The following DNAAF4 variants were observed in gnomAD, a reference collection of about 807,000 sequenced individuals.
DNAAF4 encodes the protein dynein axonemal assembly factor 4.
In DNAAF4, 43 loss-of-function variants were observed where a neutral mutation model predicts 51.8. The ratio of observed to expected loss-of-function variants is 0.83; its 90% confidence interval spans 0.65 to 1.07. The LOEUF (loss-of-function observed/expected upper bound fraction) is 1.07, where lower values mean the gene tolerates loss of function less well. Ranked by LOEUF, DNAAF4 falls within the 50% of genes least tolerant of loss-of-function variation. The pLI is 0.00. For synonymous variants in DNAAF4, 194 were observed against 165.6 expected (o/e 1.17, Z -1.32); for missense variants, 581 against 493.0 (o/e 1.18, Z -1.69).
intron 3 of DNAAF4, 81 bp from the exon 4 acceptor site, chr15:55,491,337 C>G: frequency 2.1e-6 from 3 of 1,396,748 alleles, no homozygotes; most frequent in Non-Finnish European, 2.9e-6. Context: ...ATAAACTGAC[C>G]CAGGATGAGA....
chr15:55,466,664 A>T (rs1183102049), intron 5 of DNAAF4, among the ~76,000 whole-genome samples: 1 of 151,246 alleles, frequency 6.6e-6, no homozygotes, highest in Non-Finnish European at 1.5e-5. Flanking sequence ...ATTTAACAAC[A>T]TCTTTGTAAA....
chr15:55,420,708 T>C (rs948151721), intron 7 of DNAAF4, among the ~76,000 whole-genome samples: 1 of 152,232 alleles, frequency 6.6e-6, no homozygotes, highest in Non-Finnish European at 1.5e-5. Context: ...AAGTGAATTA[T>C]GCAATAACAT....
chr15:55,428,509 T>G (rs1156502571), downstream of DNAAF4, among the ~76,000 whole-genome samples: 3 of 135,222 alleles, frequency 2.2e-5, no homozygotes, highest in East Asian at 1.0e-3. Context: ...TTTTTTTTTT[T>G]TTTGAGATGG....
chr15:55,463,764 T>G (rs1430737221), intron 5 of DNAAF4, among the ~76,000 whole-genome samples: 1 of 151,878 alleles, frequency 6.6e-6, no homozygotes, highest in African/African-American at 2.4e-5. Flanking sequence ...AGGTGAAAGA[T>G]CTCACAAGGA....
Position 55,430,708 on chromosome 15 carries a change from T to A in DNAAF4, c.1225A>T (p.Ile409Phe), listed in dbSNP as rs1060503094. 2.5e-6 allele frequency: 4 copies of A among 1,613,450 alleles called. No individual in the cohort carries two copies. Among genetic ancestry groups the A allele is most frequent in the Non-Finnish European group, 8.5e-7 (1 of 1,179,628 alleles). The change falls in exon 10 of 10, where the codon ATT (isoleucine) becomes TTT (phenylalanine). Residue 409 changes from isoleucine (I) to phenylalanine (F), a missense_variant. By Grantham distance (21) the Ile-to-Phe change is conservative. Transcript: ENST00000321149. ...NKIVQIDAEK[I>F]RNVIQGTELK... is the part of the protein sequence containing the mutation. ...TCTGTTCCTTGAATTACATTCCGAA[T>A]CTTCTCAGCATCAATTTGTACAATT...
intron 4 of DNAAF4, chr15:55,490,896 G>C: frequency 5.6e-6 from 2 of 356,720 alleles, no homozygotes; most frequent in Non-Finnish European, 9.8e-6. Flanking sequence ...GGAGCTTGCA[G>C]TGAGCCCAGA....
downstream of DNAAF4, among the ~76,000 whole-genome samples, chr15:55,427,917 G>T (rs1195011391): frequency 2.0e-5 from 3 of 151,900 alleles, no homozygotes; most frequent in African/African-American, 7.3e-5. Flanking sequence ...TTGCAGGCAT[G>T]AGCCACCGCG....
At chr15:55,423,472 T>A (rs984049603) in intron 7 of DNAAF4, among the ~76,000 whole-genome samples, 1 of 152,124 alleles carries the variant, frequency 6.6e-6, no homozygotes. Flanking sequence ...TCCTCCCAAG[T>A]GCTGGGATTA....
intron 9 of DNAAF4, among the ~76,000 whole-genome samples, chr15:55,431,757 C>T (rs2057499314): frequency 6.6e-6 from 1 of 151,912 alleles, no homozygotes. Flanking sequence ...AGATTACAGG[C>T]ATAAGCCACC....
chr15:55,462,011 A>G (rs1209917144), intron 5 of DNAAF4, among the ~76,000 whole-genome samples: 2 of 152,228 alleles, frequency 1.3e-5, no homozygotes, highest in East Asian at 3.8e-4. Context: ...ACCTTTGTGC[A>G]CACAAACTAG....
chr15:55,490,102 G>C (rs2058550131), intron 4 of DNAAF4, among the ~76,000 whole-genome samples: 1 of 152,020 alleles, frequency 6.6e-6, no homozygotes, highest in South Asian at 2.1e-4. Context: ...TTGAACTACT[G>C]ACCTCATGAT....
intron 6 of DNAAF4, among the ~76,000 whole-genome samples, chr15:55,448,708 A>G (rs1304578143): frequency 6.6e-6 from 1 of 151,542 alleles, no homozygotes; most frequent in Non-Finnish European, 1.5e-5. Context: ...TCTCTATTAA[A>G]AACTACACAA....
intron 4 of DNAAF4, among the ~76,000 whole-genome samples, chr15:55,469,665 T>C (rs1285464151): frequency 6.6e-6 from 1 of 151,508 alleles, no homozygotes. Context: ...TTTTTTTTTA[T>C]ATTTTTAGTA....
At chr15:55,450,177 A>T (rs776966053) in intron 6 of DNAAF4, 45 bp downstream of exon 6, 7 of 1,524,664 alleles carry the variant, frequency 4.6e-6, no homozygotes. Flanking sequence ...ATAAAAATAA[A>T]GTATTTTCAT....
intron 9 of DNAAF4, 37 bp from the exon 10 acceptor site, chr15:55,430,816 T>A (rs763198206): frequency 2.0e-6 from 3 of 1,479,826 alleles, no homozygotes; most frequent in Non-Finnish European, 2.8e-6. Flanking sequence ...ATACAATAAA[T>A]ATTTTATTAG....
At position 55,439,467 on chromosome 15, in the gene DNAAF4, C is replaced by T. The variant is rs748763190; in HGVS notation, c.893+5G>A. The T allele has an allele frequency of 6.3e-5, 102 of 1,609,272 alleles. No homozygotes were observed. The highest frequency in any genetic ancestry group is 7.8e-5 in the Non-Finnish European group (92 of 1,175,990). ...AAGCTCATGATCAGAGTTCAAACAA[C>T]TTACTTTCCTTTATCCTTCAACCAT... On this transcript the variant is annotated splice_donor_5th_base_variant and intron_variant, in intron 7 of 9. Transcript: ENST00000321149.
At chr15:55,462,091 G>T (rs188558711) in intron 5 of DNAAF4, among the ~76,000 whole-genome samples, 159 of 151,860 alleles carry the variant, frequency 1.0e-3, no homozygotes, top group African/African-American at 3.5e-3. Context: ...ATTAAGCCAG[G>T]AAGAAATAGA....
chr15:55,461,142 C>T (rs1167207484), intron 5 of DNAAF4, among the ~76,000 whole-genome samples: 2 of 151,792 alleles, frequency 1.3e-5, no homozygotes, highest in African/African-American at 2.4e-5. Context: ...AGTCTCGGCT[C>T]ACTGCAAACT....
At chr15:55,465,328 A>G (rs1200178495) in intron 5 of DNAAF4, among the ~76,000 whole-genome samples, 1 of 151,980 alleles carries the variant, frequency 6.6e-6, no homozygotes, top group Non-Finnish European at 1.5e-5. Flanking sequence ...TGCAATTGCA[A>G]AAATATAGAA....
Sources: allele counts gnomAD v4.1 joint callset (sites outside exome capture counted in the v4.1 genomes callset), GRCh38; gene constraint gnomAD v4.1.1; transcripts MANE v1.5; gene names NCBI Gene and HGNC (gene_info 2026-07-23, HGNC 2026-07-21).